Variants in PPP2R2B observed in about 807,000 individuals in gnomAD.
PPP2R2B encodes the protein serine/threonine-protein phosphatase 2A 55 kDa regulatory subunit B beta isoform.
Under a neutral mutation model 46.0 loss-of-function variants are expected in PPP2R2B, and 5 were observed. That is an observed-to-expected ratio of 0.11 (90% confidence interval 0.06 to 0.23). The LOEUF is 0.23. PPP2R2B is among the 10% of genes least tolerant of loss of function. The probability of loss-of-function intolerance (pLI) is 1.00; values close to 1 mark genes in which losing one functional copy is unlikely to be tolerated. For missense variants in PPP2R2B, 367 were observed against 575.0 expected (o/e 0.64, Z 3.70); for synonymous variants, 215 against 206.7 (o/e 1.04, Z -0.34).
In PPP2R2B at chr5:146,878,702, C is replaced by T. The variant is rs1762051226; in HGVS notation, c.-236G>A. 6 of 1,307,740 alleles carry T rather than the reference C, an allele frequency of 4.6e-6. 1 individual carries two copies. The highest frequency in any genetic ancestry group is 4.0e-6 in the Non-Finnish European group (4 of 998,422). The allele number at this position is 1,307,740 out of a possible 1,614,324, so 81.0% of individuals were successfully genotyped here. ...TGCAGCCGGCGCCAGCGCACTCACC[C>T]TCACACCCACACGCGCGCACTCGCA... On this transcript the variant is annotated 5_prime_UTR_variant, in exon 1 of 10. Coordinates refer to ENST00000394411, the MANE Select transcript of PPP2R2B (RefSeq NM_181675.4). The surrounding 1 kb of genome is among the most constrained non-coding windows in gnomAD (Gnocchi z 4.5).
chr5:146,876,818 G>A (rs1761923791), intron 2 of PPP2R2B, among the ~76,000 whole-genome samples: 1 of 152,096 alleles, frequency 6.6e-6, no homozygotes, highest in Non-Finnish European at 1.5e-5. Context: ...AACTTCCAGG[G>A]ATGTTTATAG....
At chr5:146,797,438 T>C (rs945903339) in intron 2 of PPP2R2B, among the ~76,000 whole-genome samples, 2 of 152,224 alleles carry the variant, frequency 1.3e-5, no homozygotes, top group East Asian at 3.8e-4. Flanking sequence ...ATCTGGATTT[T>C]TCAAACCAAC....
chr5:146,886,881 T>C (rs1762346759), intron 1 of PPP2R2B, among the ~76,000 whole-genome samples: 3 of 151,442 alleles, frequency 2.0e-5, no homozygotes, highest in Admixed American at 1.3e-4. Context: ...AGGATGAAAC[T>C]TGTATAGAAA....
intron 1 of PPP2R2B, among the ~76,000 whole-genome samples, chr5:146,949,088 C>A (rs1237309021): frequency 6.6e-6 from 1 of 152,008 alleles, no homozygotes; most frequent in Admixed American, 6.6e-5. Context: ...AGGAATGCTG[C>A]ATGGTGAAGG....
intron 1 of PPP2R2B, among the ~76,000 whole-genome samples, chr5:147,016,605 G>A (rs1367167343): frequency 8.0e-5 from 1 of 12,568 alleles, no homozygotes; most frequent in Non-Finnish European, 1.9e-4. Context: ...ATGTAGTGAG[G>A]AAAATAGAAG....
At chr5:146,757,529 G>A (rs1242333422) in intron 2 of PPP2R2B, among the ~76,000 whole-genome samples, 2 of 152,122 alleles carry the variant, frequency 1.3e-5, no homozygotes, top group African/African-American at 4.8e-5. Context: ...CATTTGAGGT[G>A]ACTTTGAAGA....
rs575823844 is a variant in PPP2R2B, at chr5:146,600,214, C to A, written c.960+77G>T. On this transcript the variant is annotated intron_variant, in intron 8 of 9. Transcript: ENST00000394411. ...GCCTTCCATTTTGCTGCACTGTAAA[C>A]CTTTGGAAGCAGGGGCTGACTTAAA... 5 of 1,511,024 alleles carry A rather than the reference C, an allele frequency of 3.3e-6. No individual in the cohort carries two copies. In the African/African-American group the frequency reaches 5.6e-5, roughly 17 times the overall value. 93.6% of individuals were successfully genotyped at this position (1,511,024 alleles called of 1,614,324 possible).
chr5:146,658,862 T>C (rs575543082), intron 5 of PPP2R2B, among the ~76,000 whole-genome samples: 241 of 152,346 alleles, frequency 1.6e-3, no homozygotes, highest in Non-Finnish European at 2.4e-3. Context: ...TCTAATAAAA[T>C]GTTACTTTTT....
At chr5:146,797,786 C>CA (rs1383351248) in intron 2 of PPP2R2B, among the ~76,000 whole-genome samples, 4 of 152,298 alleles carry the variant, frequency 2.6e-5, no homozygotes, top group Admixed American at 2.6e-4. Context: ...CAGAGCCTGA[C>CA]ATGTTAATTG....
intron 8 of PPP2R2B, 76 bp downstream of exon 8, chr5:146,600,215 C>G: frequency 6.6e-7 from 1 of 1,516,914 alleles, no homozygotes; most frequent in Non-Finnish European, 8.9e-7. Flanking sequence ...CACTGTAAAC[C>G]TTTGGAAGCA....
At chr5:146,777,375 C>A (rs912222173) in intron 2 of PPP2R2B, among the ~76,000 whole-genome samples, 1 of 152,016 alleles carries the variant, frequency 6.6e-6, no homozygotes. Flanking sequence ...CACAAAAAGA[C>A]AATTATTGTA....
chr5:146,851,943 T>C lies in PPP2R2B; in HGVS notation c.70+26059A>G, dbSNP rs190667857. Among the ~76,000 whole-genome samples the C allele has an allele frequency of 6.6e-5, 10 of 152,264 alleles. No homozygotes were observed. The East Asian group carries it at 1.9e-3, about 29-fold the overall frequency. On this transcript the variant is annotated intron_variant, in intron 2 of 9. Coordinates refer to ENST00000394411, the MANE Select transcript of PPP2R2B (RefSeq NM_181675.4). ...AGGATTCTCTTGATAATCATTAAAA[T>C]CCTTGAGGTCTAGGATAGCATTTGG...
chr5:146,993,187 C>T (rs1318151245), intron 1 of PPP2R2B, among the ~76,000 whole-genome samples: 5 of 151,976 alleles, frequency 3.3e-5, no homozygotes, highest in African/African-American at 1.2e-4. Flanking sequence ...AGGTGATCCA[C>T]CTGCCTCAGC....
At chr5:146,970,390 C>G (rs1207322073) in intron 1 of PPP2R2B, among the ~76,000 whole-genome samples, 3 of 151,908 alleles carry the variant, frequency 2.0e-5, no homozygotes, top group African/African-American at 7.3e-5. Flanking sequence ...CATTTGAGGT[C>G]AAGAGTTCGA....
chr5:146,651,595 G>A (rs776496486), intron 5 of PPP2R2B, among the ~76,000 whole-genome samples: 26 of 152,046 alleles, frequency 1.7e-4, no homozygotes, highest in Non-Finnish European at 3.2e-4. Flanking sequence ...CAAAGAAAGA[G>A]AATAAGAACA....
chr5:146,928,981 C>T (rs147324689), intron 1 of PPP2R2B, among the ~76,000 whole-genome samples: 79 of 152,284 alleles, frequency 5.2e-4, no homozygotes, highest in Non-Finnish European at 9.4e-4. Context: ...TTTGCATTGG[C>T]TATTTTCTTT....
At chr5:147,047,153 A>C (rs1490045195) in intron 1 of PPP2R2B, among the ~76,000 whole-genome samples, 1 of 152,086 alleles carries the variant, frequency 6.6e-6, no homozygotes, top group Non-Finnish European at 1.5e-5. Context: ...CAAAACACAC[A>C]AGCATAGAGA....
Position 146,754,139 on chromosome 5 carries a change from T to C in PPP2R2B, c.71-52997A>G, listed in dbSNP as rs546924555. ...CCGCCACGTGTCAGATGAAGGATGATTGGAAATTACAACAGCCGTTCTGGA... is the reference window on the plus strand; with the variant it reads ...CCGCCACGTGTCAGATGAAGGATGACTGGAAATTACAACAGCCGTTCTGGA... On this transcript the variant is annotated intron_variant, in intron 2 of 9. Transcript: ENST00000394411. Among the ~76,000 whole-genome samples, 136 of 152,238 alleles carry C rather than the reference T, an allele frequency of 8.9e-4. No homozygotes were observed. In the East Asian group the frequency reaches 0.014, roughly 15 times the overall value.
chr5:146,607,022 A>G (rs771930020), intron 7 of PPP2R2B: 3 of 152,208 alleles, frequency 2.0e-5, no homozygotes, highest in African/African-American at 4.8e-5. Context: ...CAATTTCTCC[A>G]TAATGGGGAC....
Sources: allele counts gnomAD v4.1 joint callset (sites outside exome capture counted in the v4.1 genomes callset), GRCh38; gene constraint gnomAD v4.1.1; non-coding constraint Gnocchi (gnomAD v3.1); transcripts MANE v1.5; gene names NCBI Gene and HGNC (gene_info 2026-07-23, HGNC 2026-07-21).